The following NECTIN1 variants were observed in gnomAD, a reference collection of about 807,000 sequenced individuals.
NECTIN1 encodes nectin cell adhesion molecule 1, also known as nectin-1.
NECTIN1 carries 23 observed loss-of-function variants against 48.0 expected under a neutral mutation model. That is an observed-to-expected ratio of 0.48 (90% confidence interval 0.34 to 0.68). The LOEUF (loss-of-function observed/expected upper bound fraction) is 0.68. Among genes scored for constraint, NECTIN1 ranks in the 30% least tolerant of loss-of-function variants. The pLI, the probability that NECTIN1 is intolerant of heterozygous loss-of-function variation, is 0.01. For synonymous variants in NECTIN1, 270 were observed against 288.9 expected, an observed-to-expected ratio of 0.93 and a Z score of 0.66; for missense variants, 591 against 709.9, an observed-to-expected ratio of 0.83 and a Z score of 1.90.
chr11:119,716,876 A>T lies in NECTIN1; in HGVS notation c.79+11599T>A, dbSNP rs558791752. ...CGCGCGCGCACGCACGCACGCACAC[A>T]CACACAGCACGTGACCTCATACACG... is the stretch of plus-strand genomic sequence containing the variant. On this transcript the variant is annotated intron_variant, in intron 1 of 5. Transcript: ENST00000264025. Among the ~76,000 whole-genome samples the T allele has an allele frequency of 1.4e-4, 21 of 152,358 alleles. No homozygotes were observed. In the East Asian group the frequency reaches 3.9e-3, roughly 28 times the overall value.
chr11:119,708,092 G>A (rs73004997), intron 1 of NECTIN1, among the ~76,000 whole-genome samples: 3,428 of 152,172 alleles, frequency 0.023, 68 homozygotes, highest in Middle Eastern at 0.051. Flanking sequence ...CAAAGCAATG[G>A]GAGCTCAGAA....
In NECTIN1 at chr11:119,648,708, G is replaced by T. The variant is rs1864449097; in HGVS notation, c.1004-8696C>A. ...AGAGCCCAGGAAGCTGCCTGTTTAG[G>T]GAGGGCTGTGGGAGTGTCTGGGGTC... On this transcript the variant is annotated intron_variant, in intron 5 of 7. Coordinates refer to the NECTIN1 transcript ENST00000341398. Among the ~76,000 whole-genome samples the T allele has an allele frequency of 2.6e-5, 4 of 152,130 alleles. No homozygotes were observed. The South Asian group carries it at 8.3e-4, about 32-fold the overall frequency.
At position 119,664,482 on chromosome 11, in the gene NECTIN1, G is replaced by C. The variant is rs1385671875; in HGVS notation, c.*265C>G. 2 of 1,325,374 alleles carry C rather than the reference G, an allele frequency of 1.5e-6. No homozygotes were observed. Among genetic ancestry groups the C allele is most frequent in the Admixed American group, 6.9e-5 (2 of 28,790 alleles). The allele number at this position is 1,325,374 out of a possible 1,614,324, so 82.1% of individuals were successfully genotyped here. On this transcript the variant is annotated 3_prime_UTR_variant, in exon 6 of 6. Coordinates refer to ENST00000264025, the MANE Select transcript of NECTIN1 (RefSeq NM_002855.5). ...CCCTACACAGAGGGCAGGCAGGTGGGGCCCGTAAAGGGAAGATACAGTAAC... is the reference window on the plus strand; with the variant it reads ...CCCTACACAGAGGGCAGGCAGGTGGCGCCCGTAAAGGGAAGATACAGTAAC...
intron 1 of NECTIN1, among the ~76,000 whole-genome samples, chr11:119,702,268 C>T (rs1184633369): frequency 1.3e-5 from 2 of 152,218 alleles, no homozygotes; most frequent in Non-Finnish European, 2.9e-5. Flanking sequence ...AGGGCCTCCA[C>T]CTCCCTCGGC....
rs7925493 is a variant in NECTIN1 at position 119,701,521 on chromosome 11, C to T, written c.80-22756G>A. Reference sequence around the variant, plus strand: ...AGTCCCTAGAACGGGACCACAGACCCCCTTTGAGTGACACCTCTTCTGTCC... The same window carrying T: ...AGTCCCTAGAACGGGACCACAGACCTCCTTTGAGTGACACCTCTTCTGTCC... On this transcript the variant is annotated intron_variant, in intron 1 of 5. Transcript: ENST00000264025. Among the ~76,000 whole-genome samples the T allele has an allele frequency of 4.4e-3, 677 of 152,162 alleles. 3 individuals are homozygous for T. The highest frequency in any genetic ancestry group is 0.016 in the African/African-American group (647 of 41,510).
chr11:119,662,398 T>C lies in NECTIN1; in HGVS notation c.*2349A>G, dbSNP rs1591447044. On this transcript the variant is annotated 3_prime_UTR_variant, in exon 6 of 6. Coordinates refer to ENST00000264025, the MANE Select transcript of NECTIN1 (RefSeq NM_002855.5). The surrounding 1 kb of genome is among the most constrained non-coding windows in gnomAD (Gnocchi z 5.3). Reference sequence around the variant, plus strand: ...GGTGGGTATGCTGAGGCTGGGCCCCTGGCAAGTCAGGAGCCTCCTACGTGG... The same window carrying C: ...GGTGGGTATGCTGAGGCTGGGCCCCCGGCAAGTCAGGAGCCTCCTACGTGG... 31 of 985,744 alleles carry C rather than the reference T, an allele frequency of 3.1e-5. No individual in the cohort carries two copies. The highest frequency in any genetic ancestry group is 3.7e-5 in the Non-Finnish European group (31 of 829,930). The allele number at this position is 985,744 out of a possible 1,614,324, so 61.1% of individuals were successfully genotyped here.
chr11:119,661,251 A>G lies in NECTIN1; in HGVS notation c.*3496T>C, dbSNP rs1376144580. Reference sequence around the variant, plus strand: ...TCATTTATACAAAAAAGGAAAACCAATTTTTTCGACCAAGAATCCCATTCC... The same window carrying G: ...TCATTTATACAAAAAAGGAAAACCAGTTTTTTCGACCAAGAATCCCATTCC... On this transcript the variant is annotated 3_prime_UTR_variant, in exon 6 of 6. Transcript: ENST00000264025. 4 of 985,708 alleles carry G rather than the reference A, an allele frequency of 4.1e-6. No individual in the cohort carries two copies. Among genetic ancestry groups the G allele is most frequent in the East Asian group, 1.1e-4 (1 of 8,808 alleles). 61.1% of individuals were successfully genotyped at this position (985,708 alleles called of 1,614,324 possible).
intron 5 of NECTIN1, among the ~76,000 whole-genome samples, chr11:119,647,446 C>T (rs1233592876): frequency 6.6e-6 from 1 of 152,028 alleles, no homozygotes; most frequent in African/African-American, 2.4e-5. Flanking sequence ...ACTGGGATTT[C>T]ACGCACATTC....
intron 4 of NECTIN1, 173 bp from the exon 5 acceptor site, chr11:119,675,483 ATAT>A (rs1205451878): frequency 6.1e-6 from 4 of 660,632 alleles, no homozygotes; most frequent in Non-Finnish European, 1.0e-5. Flanking sequence ...TGGTAGTTTT[ATAT>A]TATTCAGCTT....
rs909740638 is a variant in NECTIN1, at chr11:119,683,226, G to A, written c.80-4461C>T. Among the ~76,000 whole-genome samples, 25 of 152,204 alleles carry A rather than the reference G, an allele frequency of 1.6e-4. No homozygotes were observed. Among genetic ancestry groups the A allele is most frequent in the African/African-American group, 6.0e-4 (25 of 41,452 alleles). Reference sequence around the variant, plus strand: ...ATGAGAAGCAGAGGCTGGCCCAGATGTGGGAACTGGGACCACTAAAATGGT... The same window carrying A: ...ATGAGAAGCAGAGGCTGGCCCAGATATGGGAACTGGGACCACTAAAATGGT... On this transcript the variant is annotated intron_variant, in intron 1 of 5. Transcript: ENST00000264025. The surrounding 1 kb of genome is among the most constrained non-coding windows in gnomAD (Gnocchi z 4.0).
In NECTIN1 at chr11:119,661,023, AC is replaced by A; in HGVS notation, c.*3723del. ...TTAAACACTTTATTTATAAAAAAGT[AC>A]ATTTTTAATCCTCAGTACATTTTCA... On this transcript the variant is annotated 3_prime_UTR_variant, in exon 6 of 6. Coordinates refer to ENST00000264025, the MANE Select transcript of NECTIN1 (RefSeq NM_002855.5). The A allele has an allele frequency of 1.0e-6, 1 of 981,294 alleles. No homozygotes were observed. The highest frequency in any genetic ancestry group is 1.2e-6 in the Non-Finnish European group (1 of 825,778). The allele number at this position is 981,294 out of a possible 1,614,324, so 60.8% of individuals were successfully genotyped here.
At chr11:119,638,663 G>T in intron 7 of NECTIN1, 1 of 1,405,388 alleles carries the variant, frequency 7.1e-7, no homozygotes, top group Non-Finnish European at 9.9e-7. Flanking sequence ...CTCTCTCCTT[G>T]GGGCCATCTC....
downstream of NECTIN1, among the ~76,000 whole-genome samples, chr11:119,657,236 C>T (rs9651692): frequency 4.2e-3 from 639 of 152,284 alleles, 2 homozygotes; most frequent in African/African-American, 0.015. Flanking sequence ...TCTCAAGACC[C>T]ACCTCTTCCT....
Position 119,677,640 on chromosome 11 carries a change from G to T in NECTIN1, c.648C>A (p.Ser216Arg). ...TVISRYRLVPSREAHQQSLAC... is the reference protein window; with the variant it reads ...TVISRYRLVPRREAHQQSLAC... ...CCAAGGACTGCTGGTGGGCTTCCCT[G>T]CTGGGCACCAGGCGGTAGCGGCTGA... is the stretch of plus-strand genomic sequence containing the variant. Residue 216 changes from serine to arginine, a missense_variant, in exon 3 of 6, where the codon AGC (serine) becomes AGA (arginine). Ser to Arg is a moderately radical substitution (Grantham distance 110, BLOSUM62 -1). Coordinates refer to ENST00000264025, the MANE Select transcript of NECTIN1 (RefSeq NM_002855.5). The surrounding 1 kb of genome is among the most constrained non-coding windows in gnomAD (Gnocchi z 5.4). 6.2e-7 allele frequency: 1 copy of T among 1,613,996 alleles called. No individual in the cohort carries two copies. Among genetic ancestry groups the T allele is most frequent in the Non-Finnish European group, 8.5e-7 (1 of 1,180,030 alleles).
intron 1 of NECTIN1, among the ~76,000 whole-genome samples, chr11:119,689,834 G>A (rs1591467753): frequency 6.6e-6 from 1 of 152,334 alleles, no homozygotes; most frequent in African/African-American, 2.4e-5. Context: ...CTTGGACAGC[G>A]AGTGGGGATC....
rs1047619752 is a variant in NECTIN1 at position 119,663,063 on chromosome 11, CA to C, written c.*1683del. 98 of 985,222 alleles carry C rather than the reference CA, an allele frequency of 9.9e-5. No individual in the cohort carries two copies. The highest frequency in any genetic ancestry group is 1.1e-4 in the Non-Finnish European group (93 of 829,908). 61.0% of individuals were successfully genotyped at this position (985,222 alleles called of 1,614,324 possible). On this transcript the variant is annotated 3_prime_UTR_variant, in exon 6 of 6. Transcript: ENST00000264025. The stretch of plus-strand genomic sequence containing the variant: ...GGGGGCTCCCTTAGGAAGCCTATGG[CA>C]GGGTGGGTCAGTGCCCGTGGGGCAC...
At chr11:119,696,556 T>C (rs996805083) in intron 1 of NECTIN1, among the ~76,000 whole-genome samples, 1 of 152,116 alleles carries the variant, frequency 6.6e-6, no homozygotes, top group Non-Finnish European at 1.5e-5. Context: ...TCAGGTGCCC[T>C]GTCCTGACAT....
chr11:119,728,432 G>A (rs1209202536), intron 1 of NECTIN1, 43 bp downstream of exon 1: 4 of 1,529,530 alleles, frequency 2.6e-6, no homozygotes, highest in Middle Eastern at 3.4e-4. Context: ...GCCCCGGGGA[G>A]GCATTGGATG....
rs1443794436 is a variant in NECTIN1, at chr11:119,661,627, A to G, written c.*3120T>C. 3 of 985,766 alleles carry G rather than the reference A, an allele frequency of 3.0e-6. No homozygotes were observed. The highest frequency in any genetic ancestry group is 1.2e-4 in the Admixed American group (2 of 16,272). The allele number at this position is 985,766 out of a possible 1,614,324, so 61.1% of individuals were successfully genotyped here. On this transcript the variant is annotated 3_prime_UTR_variant, in exon 6 of 6. Transcript: ENST00000264025. Reference sequence around the variant, plus strand: ...CACAATTCCCAATTTCTCTGCTCTGAGGAAGGCAGAAAAGTTATTGCACCA... The same window carrying G: ...CACAATTCCCAATTTCTCTGCTCTGGGGAAGGCAGAAAAGTTATTGCACCA...
Sources: allele counts gnomAD v4.1 joint callset (sites outside exome capture counted in the v4.1 genomes callset), GRCh38; gene constraint gnomAD v4.1.1; non-coding constraint Gnocchi (gnomAD v3.1); transcripts MANE v1.5; gene names NCBI Gene and HGNC (gene_info 2026-07-23, HGNC 2026-07-21).